The following CERS5 variants were observed in gnomAD, a reference collection of about 807,000 sequenced individuals.
CERS5 encodes ceramide synthase 5.
Under a neutral mutation model 58.9 loss-of-function variants are expected in CERS5, and 37 were observed. The observed-to-expected ratio is 0.63, with a 90% CI of 0.48 to 0.83. The LOEUF (loss-of-function observed/expected upper bound fraction) is 0.83. Among genes scored for constraint, CERS5 ranks in the 40% least tolerant of loss-of-function variants. The probability of loss-of-function intolerance (pLI) is 0.00; values close to 1 mark genes in which losing one functional copy is unlikely to be tolerated. For synonymous variants in CERS5, 147 were observed against 177.8 expected (o/e 0.83, Z 1.38); for missense variants, 398 against 489.3 (o/e 0.81, Z 1.76).
intron 9 of CERS5, chr12:50,133,208 T>A: frequency 8.5e-7 from 1 of 1,169,648 alleles, no homozygotes; most frequent in Non-Finnish European, 1.1e-6. Flanking sequence ...CCACATTCCA[T>A]CACTTGGTCC....
intron 9 of CERS5, among the ~76,000 whole-genome samples, chr12:50,132,149 C>T (rs1951363785): frequency 6.6e-6 from 1 of 150,748 alleles, no homozygotes; most frequent in East Asian, 2.0e-4. Flanking sequence ...CCTGTAATCC[C>T]AGCACTTTGG....
In CERS5 at chr12:50,143,209, G is replaced by A. The variant is rs771369421; in HGVS notation, c.304-5C>T. ...CAGCCTTTTCTTATCAGGATACTGT[G>A]AATGTATAACCAGAGTCAGAACACC... On this transcript the variant is annotated splice_polypyrimidine_tract_variant and splice_region_variant and intron_variant, in intron 2 of 9. Coordinates refer to ENST00000317551, the MANE Select transcript of CERS5 (RefSeq NM_147190.5). 3 of 1,613,906 alleles carry A rather than the reference G, an allele frequency of 1.9e-6. No homozygotes were observed. The highest frequency in any genetic ancestry group is 2.2e-5 in the East Asian group (1 of 44,850).
At chr12:50,152,796 G>A (rs182503051) in intron 1 of CERS5, among the ~76,000 whole-genome samples, 1 of 149,790 alleles carries the variant, frequency 6.7e-6, no homozygotes, top group Admixed American at 6.7e-5. Flanking sequence ...GAGGCCAGAC[G>A]CAGTGGCTCA....
chr12:50,163,347 C>T lies in CERS5; in HGVS notation c.197+3754G>A, dbSNP rs544345606. Among the ~76,000 whole-genome samples the T allele has an allele frequency of 8.6e-5, 13 of 151,612 alleles. No homozygotes were observed. The East Asian group carries it at 1.0e-3, about 12-fold the overall frequency. ...CCAAGTAGCTGGGATTACAGGCGCC[C>T]GCCACTACGCGGGGCTATTTTTGTA... is the stretch of plus-strand genomic sequence containing the variant. On this transcript the variant is annotated intron_variant, in intron 1 of 9. Coordinates refer to ENST00000317551, the MANE Select transcript of CERS5 (RefSeq NM_147190.5).
intron 1 of CERS5, among the ~76,000 whole-genome samples, chr12:50,160,319 G>A (rs1449996445): frequency 8.5e-4 from 108 of 127,346 alleles, no homozygotes; most frequent in African/African-American, 1.2e-3. Context: ...AAAAAAAAAA[G>A]AAAAAAAAAA....
At chr12:50,140,284 ATTTT>A (rs57651378) in intron 4 of CERS5, among the ~76,000 whole-genome samples, 33,534 of 95,522 alleles carry the variant, frequency 0.35, 4,467 homozygotes, top group South Asian at 0.39. Context: ...TAACTTCCAA[ATTTT>A]TTTTTTTTTT....
Position 50,167,231 on chromosome 12 carries a change from G to T in CERS5, c.67C>A (p.Leu23Ile). The T allele has an allele frequency of 6.2e-7, 1 of 1,604,278 alleles. No individual in the cohort carries two copies. Among genetic ancestry groups the T allele is most frequent in the Non-Finnish European group, 8.5e-7 (1 of 1,177,238 alleles). ...WGWLWSERFW[L>I]PENVSWADLE... ...TCAGCCCAGCTCACGTTCTCGGGTA[G>T]CCAGAAGCGCTCGCTCCACAGCCAG... is the stretch of plus-strand genomic sequence containing the variant. Residue 23 changes from leucine (L) to isoleucine (I), a missense_variant, in exon 1 of 10, where the codon CTA (leucine) becomes ATA (isoleucine). Leu to Ile is a conservative substitution (Grantham distance 5). Coordinates refer to ENST00000317551, the MANE Select transcript of CERS5 (RefSeq NM_147190.5).
chr12:50,156,928 A>C (rs376934062), intron 1 of CERS5, among the ~76,000 whole-genome samples: 34 of 152,296 alleles, frequency 2.2e-4, no homozygotes, highest in East Asian at 1.2e-3. Flanking sequence ...GTATCAACTT[A>C]ATTGGATTGA....
chr12:50,161,741 C>A, intron 1 of CERS5, among the ~76,000 whole-genome samples: 1 of 123,208 alleles, frequency 8.1e-6, no homozygotes. Context: ...CAAGTCACTG[C>A]ATTCCAGCCT....
chr12:50,164,312 A>G (rs2138303248), intron 1 of CERS5, among the ~76,000 whole-genome samples: 1 of 148,090 alleles, frequency 6.8e-6, no homozygotes, highest in East Asian at 2.0e-4. Context: ...GTGTGCACCT[A>G]TGGTCCTGGC....
At chr12:50,152,659 G>C (rs1938098573) in intron 1 of CERS5, among the ~76,000 whole-genome samples, 1 of 152,160 alleles carries the variant, frequency 6.6e-6, no homozygotes, top group South Asian at 2.1e-4. Flanking sequence ...AAAACCATTT[G>C]TATGACTACT....
rs374177550 is a variant in CERS5, at chr12:50,161,784, G to GAAAAAAAAAAAAAAAAAA, written c.197+5316_197+5317insTTTTTTTTTTTTTTTTTT. Reference sequence around the variant, plus strand: ...AGAGTGAGACTCCGTCTCAAAAAAAGAAAAAAAAAAAAAAAAGCAAAGTTC... The same window carrying GAAAAAAAAAAAAAAAAAA: ...AGAGTGAGACTCCGTCTCAAAAAAAGAAAAAAAAAAAAAAAAAAAAAAAAAAAAAAAAAAGCAAAGTTC... On this transcript the variant is annotated intron_variant, in intron 1 of 9. Coordinates refer to ENST00000317551, the MANE Select transcript of CERS5 (RefSeq NM_147190.5). Among the ~76,000 whole-genome samples the GAAAAAAAAAAAAAAAAAA allele has an allele frequency of 1.5e-3, 139 of 90,876 alleles. 19 individuals are homozygous for GAAAAAAAAAAAAAAAAAA. Among genetic ancestry groups the GAAAAAAAAAAAAAAAAAA allele is most frequent in the African/African-American group, 4.8e-3 (104 of 21,670 alleles). The allele number at this position is 90,876 out of a possible 152,430, so 59.6% of individuals were successfully genotyped here.
intron 8 of CERS5, 47 bp downstream of exon 8, chr12:50,135,685 T>C (rs1455322295): frequency 7.6e-7 from 1 of 1,317,670 alleles, no homozygotes; most frequent in South Asian, 1.2e-5. Flanking sequence ...GGCAAAAAGG[T>C]ATCATTAGGC....
At chr12:50,136,468 G>A (rs1311134778) in intron 6 of CERS5, among the ~76,000 whole-genome samples, 3 of 87,806 alleles carry the variant, frequency 3.4e-5, no homozygotes, top group East Asian at 5.5e-4. Context: ...CTGAGATTCC[G>A]TCTCAAAAAA....
chr12:50,130,652 C>T lies in CERS5; in HGVS notation c.1072G>A (p.Glu358Lys). Residue 358 changes from glutamate (E) to lysine (K), a missense_variant, in exon 10 of 10, where the codon GAA becomes AAA. Physicochemically the swap from Glu to Lys is moderately conservative, Grantham distance 56. This residue lies in a region of CERS5 where 47 missense variants were observed against 50.2 expected (regional missense o/e 0.94). Coordinates refer to ENST00000317551, the MANE Select transcript of CERS5 (RefSeq NM_147190.5). ...DRSDVESSSE[E>K]EDVTTCTKSP... The stretch of plus-strand genomic sequence containing the variant: ...TTTGTGCAGGTGGTCACATCTTCTT[C>T]CTCTGAGCTGCTCTCCACATCACTG... 1.2e-6 allele frequency: 2 copies of T among 1,611,698 alleles called. No individual in the cohort carries two copies. The highest frequency in any genetic ancestry group is 1.3e-5 in the African/African-American group (1 of 75,032).
chr12:50,150,773 A>G (rs1433503304), intron 1 of CERS5, among the ~76,000 whole-genome samples: 1 of 152,178 alleles, frequency 6.6e-6, no homozygotes, highest in Non-Finnish European at 1.5e-5. Flanking sequence ...ATCTGTAGTA[A>G]CCTTCACCAA....
intron 1 of CERS5, chr12:50,165,212 G>A (rs1039262760): frequency 2.6e-5 from 4 of 152,194 alleles, no homozygotes; most frequent in African/African-American, 9.7e-5. Flanking sequence ...GAGGTCAGGA[G>A]ATCGAGACCT....
rs994049632 is a variant in CERS5 at position 50,129,457 on chromosome 12, A to T, written c.*1088T>A. 2 of 150,694 alleles carry T rather than the reference A, an allele frequency of 1.3e-5. No individual in the cohort carries two copies. Among genetic ancestry groups the T allele is most frequent in the Non-Finnish European group, 2.9e-5 (2 of 67,816 alleles). The allele number at this position is 150,694 out of a possible 1,614,324, so 9.3% of individuals were successfully genotyped here. A position where few individuals can be genotyped will look rare whatever the true frequency, so the allele number is the denominator to read the frequency against. On this transcript the variant is annotated 3_prime_UTR_variant, in exon 10 of 10. Transcript: ENST00000317551. ...TTCATTCATATTTCACAACAATATT[A>T]GTCTATTCAATATAGCAAGTTGAGG... is the stretch of plus-strand genomic sequence containing the variant.
At chr12:50,137,296 T>C (rs927843069) in intron 6 of CERS5, among the ~76,000 whole-genome samples, 15 of 152,144 alleles carry the variant, frequency 9.9e-5, no homozygotes, top group Admixed American at 2.6e-4. Flanking sequence ...CCCCTTCCAA[T>C]TGACTTTCTT....
Sources: gnomAD v4.1 joint callset for allele counts (sites outside exome capture counted in the v4.1 genomes callset) on GRCh38, gnomAD v4.1.1 for gene constraint, gnomAD v4.1.1 regional missense constraint, MANE v1.5 for transcripts, NCBI Gene and HGNC (gene_info 2026-07-23, HGNC 2026-07-21) for gene names.